Variants in PALM2AKAP2 observed in about 807,000 individuals in gnomAD.
PALM2AKAP2 encodes PALM2 and AKAP2 fusion, also known as PALM2-AKAP2 fusion protein.
Under a neutral mutation model 71.5 loss-of-function variants are expected in PALM2AKAP2, and 37 were observed. That is an observed-to-expected ratio of 0.52 (90% CI 0.40 to 0.68). PALM2AKAP2 has a LOEUF of 0.68. PALM2AKAP2 is among the 30% of genes least tolerant of loss of function. The probability of loss-of-function intolerance (pLI) is 0.00; values close to 1 mark genes in which losing one functional copy is unlikely to be tolerated. For synonymous variants in PALM2AKAP2, 468 were observed against 478.8 expected (o/e 0.98, Z 0.29); for missense variants, 1,224 against 1,191.8 (o/e 1.03, Z -0.40).
chr9:109,882,550 T>TAGAG (rs956427596), intron 3 of PALM2AKAP2, among the ~76,000 whole-genome samples: 24 of 151,994 alleles, frequency 1.6e-4, no homozygotes, highest in African/African-American at 5.6e-4. Context: ...CATATATATA[T>TAGAG]AGAGAGAGAG....
intron 1 of PALM2AKAP2, among the ~76,000 whole-genome samples, chr9:109,830,112 C>T (rs1332466932): frequency 6.6e-6 from 1 of 152,118 alleles, no homozygotes; most frequent in Non-Finnish European, 1.5e-5. Context: ...CTTTCTTTAT[C>T]TGATGGTCAA....
intron 6 of PALM2AKAP2, among the ~76,000 whole-genome samples, chr9:109,985,013 A>G (rs1304938776): frequency 6.6e-6 from 1 of 151,462 alleles, no homozygotes; most frequent in African/African-American, 2.4e-5. Context: ...CGTCTCTACT[A>G]AAAAATACAA....
At chr9:109,798,057 G>A (rs1827314664) in intron 1 of PALM2AKAP2, among the ~76,000 whole-genome samples, 1 of 145,708 alleles carries the variant, frequency 6.9e-6, no homozygotes, top group Admixed American at 6.8e-5. Flanking sequence ...TTCTTCTGAG[G>A]GTTGTGAGGA....
At chr9:109,988,891 C>T (rs540195871) in intron 6 of PALM2AKAP2, among the ~76,000 whole-genome samples, 142 of 152,216 alleles carry the variant, frequency 9.3e-4, no homozygotes, top group African/African-American at 3.3e-3. Flanking sequence ...CCACTGTTCT[C>T]GTGTTAGTGA....
chr9:109,805,813 C>T (rs1299848083), intron 1 of PALM2AKAP2, among the ~76,000 whole-genome samples: 3 of 152,228 alleles, frequency 2.0e-5, no homozygotes, highest in Non-Finnish European at 4.4e-5. Context: ...AATTAGGATA[C>T]ATTTGCTAAA....
chr9:109,644,993 C>T (rs1827128155), intron 1 of PALM2AKAP2, among the ~76,000 whole-genome samples: 4 of 152,222 alleles, frequency 2.6e-5, no homozygotes, highest in Admixed American at 2.6e-4. Flanking sequence ...CTGTTTCAAC[C>T]TCTGCCTGTT....
At chr9:110,040,412 T>C (rs1284328774) in intron 7 of PALM2AKAP2, among the ~76,000 whole-genome samples, 1 of 152,214 alleles carries the variant, frequency 6.6e-6, no homozygotes, top group Non-Finnish European at 1.5e-5. Context: ...ATATGTTCAG[T>C]ATACTAGAAG....
intron 6 of PALM2AKAP2, among the ~76,000 whole-genome samples, chr9:109,955,204 G>T (rs1831724182): frequency 6.6e-6 from 1 of 152,116 alleles, no homozygotes; most frequent in Non-Finnish European, 1.5e-5. Context: ...CAGAACTAAA[G>T]TCCCCTGAAC....
chr9:109,906,114 G>A (rs1320552033), intron 3 of PALM2AKAP2, among the ~76,000 whole-genome samples: 2 of 152,194 alleles, frequency 1.3e-5, no homozygotes, highest in East Asian at 1.9e-4. Context: ...GGGCTGGAAA[G>A]AAGAGGAAAA....
At chr9:110,061,741 G>T (rs1384262859) in intron 1 of PALM2AKAP2, among the ~76,000 whole-genome samples, 1 of 140,050 alleles carries the variant, frequency 7.1e-6, no homozygotes, top group Non-Finnish European at 1.5e-5. Context: ...GTTTCACCAT[G>T]TTGGCCAGGC....
intron 6 of PALM2AKAP2, among the ~76,000 whole-genome samples, chr9:109,954,412 A>G (rs1831705481): frequency 1.3e-5 from 2 of 150,514 alleles, no homozygotes; most frequent in Non-Finnish European, 3.0e-5. Context: ...CTCAAACAGT[A>G]TTAAATCTTG....
intron 1 of PALM2AKAP2, among the ~76,000 whole-genome samples, chr9:109,685,510 T>C (rs992484954): frequency 2.9e-4 from 44 of 152,174 alleles, no homozygotes; most frequent in African/African-American, 1.1e-3. Context: ...AAAGTAGTTA[T>C]AGTATACTAT....
At chr9:109,847,554 A>G (rs1422691467) in intron 1 of PALM2AKAP2, 1 of 152,260 alleles carries the variant, frequency 6.6e-6, no homozygotes, top group African/African-American at 2.4e-5. Context: ...ATCCTGGCGA[A>G]CACAGTGAAA....
chr9:109,840,715 A>G (rs1387641714), intron 1 of PALM2AKAP2, among the ~76,000 whole-genome samples: 1 of 152,262 alleles, frequency 6.6e-6, no homozygotes, highest in Non-Finnish European at 1.5e-5. Context: ...AAGGATATGA[A>G]CAGACACTTC....
chr9:109,808,050 A>G lies in PALM2AKAP2; in HGVS notation c.45+27517A>G, dbSNP rs186669183. ...ATTCAATTAAATGTCTTTCCTTTAT[A>G]AATTACCCAGTCTCAGGTACGTCTT... On this transcript the variant is annotated intron_variant, in intron 1 of 9. Transcript: ENST00000302798. Among the ~76,000 whole-genome samples, 11 of 152,340 alleles carry G rather than the reference A, an allele frequency of 7.2e-5. No homozygotes were observed. The East Asian group carries it at 1.9e-3, about 27-fold the overall frequency.
chr9:110,019,901 C>A (rs1249595113), intron 7 of PALM2AKAP2, among the ~76,000 whole-genome samples: 1 of 152,076 alleles, frequency 6.6e-6, no homozygotes, highest in Non-Finnish European at 1.5e-5. Flanking sequence ...ACGTAATATA[C>A]CTTGTATCAA....
intron 1 of PALM2AKAP2, among the ~76,000 whole-genome samples, chr9:109,695,462 A>AT (rs1827956697): frequency 1.3e-5 from 2 of 152,106 alleles, no homozygotes; most frequent in Admixed American, 6.5e-5. Flanking sequence ...CAGCATTGTC[A>AT]TTTTTTGTCT....
intron 1 of PALM2AKAP2, among the ~76,000 whole-genome samples, chr9:109,641,242 G>A (rs768700779): frequency 3.9e-5 from 6 of 152,234 alleles, no homozygotes; most frequent in Non-Finnish European, 8.8e-5. Context: ...TTATTGGACT[G>A]CAGTTAAAAA....
intron 1 of PALM2AKAP2, among the ~76,000 whole-genome samples, chr9:110,116,503 A>G (rs555896): frequency 0.71 from 107,917 of 152,106 alleles, 38,478 homozygotes; most frequent in East Asian, 0.95. Flanking sequence ...AAAAATGACT[A>G]TTGCTTAGAA....
Sources: gnomAD v4.1 joint callset for allele counts (sites outside exome capture counted in the v4.1 genomes callset) on GRCh38, gnomAD v4.1.1 for gene constraint, MANE v1.5 for transcripts, NCBI Gene and HGNC (gene_info 2026-07-23, HGNC 2026-07-21) for gene names.